Variants in FHOD3 observed in about 807,000 individuals in gnomAD.
The protein encoded by FHOD3 is FH1/FH2 domain-containing protein 3.
In FHOD3, 90 loss-of-function variants were observed where a neutral mutation model predicts 173.0. That is an observed-to-expected ratio of 0.52 (90% CI 0.44 to 0.62). The LOEUF (loss-of-function observed/expected upper bound fraction) is 0.62. FHOD3 is among the 20% of genes least tolerant of loss of function. FHOD3 has a pLI of 0.00. For missense variants in FHOD3, 1,945 were observed against 2,034.7 expected (o/e 0.96, Z 0.85); for synonymous variants, 828 against 823.0 (o/e 1.01, Z -0.10).
intron 2 of FHOD3, among the ~76,000 whole-genome samples, chr18:36,365,430 CT>C (rs1272104753): frequency 6.6e-6 from 1 of 152,150 alleles, no homozygotes; most frequent in African/African-American, 2.4e-5. Context: ...AGGTGAAGTA[CT>C]GTTTAATTTC....
At chr18:36,694,998 C>CAT (rs1568621234) in intron 17 of FHOD3, among the ~76,000 whole-genome samples, 2 of 97,246 alleles carry the variant, frequency 2.1e-5, no homozygotes, top group African/African-American at 3.7e-5. Flanking sequence ...TGTGTGTGTG[C>CAT]GTGTGTGTGT....
intron 1 of FHOD3, among the ~76,000 whole-genome samples, chr18:36,326,498 T>C (rs1309018985): frequency 6.6e-6 from 1 of 152,100 alleles, no homozygotes; most frequent in Admixed American, 6.5e-5. Context: ...CAGGCGCGGT[T>C]GCTCACGCCT....
At chr18:36,479,256 G>T (rs1397111829) in intron 3 of FHOD3, among the ~76,000 whole-genome samples, 2 of 152,346 alleles carry the variant, frequency 1.3e-5, no homozygotes, top group Non-Finnish European at 2.9e-5. Flanking sequence ...AAGTTTATCT[G>T]ATTTGGGTGT....
Position 36,748,010 on chromosome 18 carries a change from C to T in FHOD3, c.4232+875C>T, listed in dbSNP as rs539032670. Among the ~76,000 whole-genome samples, 3 of 152,298 alleles carry T rather than the reference C, an allele frequency of 2.0e-5. No individual in the cohort carries two copies. The South Asian group carries it at 6.2e-4, about 32-fold the overall frequency. On this transcript the variant is annotated intron_variant, in intron 24 of 28. Coordinates refer to ENST00000590592, the MANE Select transcript of FHOD3 (RefSeq NM_001281740.3). Reference sequence around the variant, plus strand: ...ATACTTTTATCTGCACATGAACCCTCTCCCAGCTTGTGTCAGTTTCTGCTT... The same window carrying T: ...ATACTTTTATCTGCACATGAACCCTTTCCCAGCTTGTGTCAGTTTCTGCTT...
chr18:36,568,554 A>G (rs968332127), intron 5 of FHOD3, among the ~76,000 whole-genome samples: 1 of 151,694 alleles, frequency 6.6e-6, no homozygotes, highest in Non-Finnish European at 1.5e-5. Context: ...AGTGACTTTG[A>G]GAACTGAACA....
chr18:36,469,362 A>G (rs867722905), intron 3 of FHOD3, among the ~76,000 whole-genome samples: 4 of 152,288 alleles, frequency 2.6e-5, no homozygotes, highest in African/African-American at 9.6e-5. Context: ...CCAAGTTTGT[A>G]GCTTTTATCG....
intron 3 of FHOD3, among the ~76,000 whole-genome samples, chr18:36,487,977 T>C (rs534264820): frequency 1.6e-3 from 251 of 152,348 alleles, no homozygotes; most frequent in Admixed American, 2.0e-3. Context: ...ACTGAACTTG[T>C]AAAAATGCCA....
In FHOD3 at chr18:36,463,496, A is replaced by G. The variant is rs1482365735; in HGVS notation, c.338-38436A>G. 1.9e-4 allele frequency among the ~76,000 whole-genome samples: 4 copies of G among 21,534 alleles called. No individual in the cohort carries two copies. In the Admixed American group the frequency reaches 1.9e-3, roughly 10 times the overall value. 14.1% of individuals were successfully genotyped at this position (21,534 alleles called of 152,430 possible). A position where few individuals can be genotyped will look rare whatever the true frequency, so the allele number is the denominator to read the frequency against. On this transcript the variant is annotated intron_variant, in intron 3 of 28. Transcript: ENST00000590592. ...ATTTAAAAATTTTTTTTGTTTATTTAAAAAATATATATATTTTTTGAGACA... is the reference window on the plus strand; with the variant it reads ...ATTTAAAAATTTTTTTTGTTTATTTGAAAAATATATATATTTTTTGAGACA...
intron 13 of FHOD3, among the ~76,000 whole-genome samples, chr18:36,655,764 C>T (rs1027004774): frequency 7.0e-6 from 1 of 142,304 alleles, no homozygotes; most frequent in African/African-American, 2.7e-5. Context: ...CACACACACA[C>T]ACACACACAA....
intron 3 of FHOD3, among the ~76,000 whole-genome samples, chr18:36,450,164 T>TA (rs1263589291): frequency 6.6e-6 from 1 of 152,212 alleles, no homozygotes; most frequent in Non-Finnish European, 1.5e-5. Flanking sequence ...AGTGAGAACA[T>TA]ACGATGTTTG....
chr18:36,565,267 G>A (rs909883069), intron 5 of FHOD3, among the ~76,000 whole-genome samples: 2 of 152,112 alleles, frequency 1.3e-5, no homozygotes, highest in African/African-American at 2.4e-5. Context: ...GAATTTTAAT[G>A]GTCTGATTAA....
chr18:36,476,906 A>G (rs1274737146), intron 3 of FHOD3, among the ~76,000 whole-genome samples: 1 of 152,216 alleles, frequency 6.6e-6, no homozygotes, highest in African/African-American at 2.4e-5. Flanking sequence ...GAAGCATAGG[A>G]TGAAGATCTT....
intron 14 of FHOD3, among the ~76,000 whole-genome samples, 194 bp downstream of exon 14, chr18:36,658,382 G>C (rs2036561002): frequency 6.6e-6 from 1 of 152,192 alleles, no homozygotes; most frequent in South Asian, 2.1e-4. Flanking sequence ...TATTAGAGGT[G>C]ATATTTTAAT....
chr18:36,452,985 T>C (rs1339915837), intron 3 of FHOD3, among the ~76,000 whole-genome samples: 1 of 152,148 alleles, frequency 6.6e-6, no homozygotes, highest in Admixed American at 6.5e-5. Flanking sequence ...GTTTACAATG[T>C]CTACAATGTC....
chr18:36,716,192 A>G (rs1421457769), intron 18 of FHOD3, among the ~76,000 whole-genome samples: 1 of 152,078 alleles, frequency 6.6e-6, no homozygotes, highest in African/African-American at 2.4e-5. Context: ...GTCAAGGGAC[A>G]TGACTAGAAG....
At chr18:36,668,588 C>CT (rs969517693) in intron 14 of FHOD3, among the ~76,000 whole-genome samples, 49 of 151,926 alleles carry the variant, frequency 3.2e-4, no homozygotes, top group African/African-American at 1.1e-3. Context: ...TGATTTGAGA[C>CT]TTTTTATCTT....
chr18:36,769,447 G>A (rs1464392992), intron 28 of FHOD3, 21 bp downstream of exon 28: 3 of 1,611,598 alleles, frequency 1.9e-6, no homozygotes, highest in African/African-American at 2.7e-5. Flanking sequence ...TAAAGGAGGG[G>A]CGAGCCTTCA....
At chr18:36,406,081 TTG>T (rs1491056669) in intron 3 of FHOD3, among the ~76,000 whole-genome samples, 11 of 138,022 alleles carry the variant, frequency 8.0e-5, no homozygotes, top group East Asian at 4.2e-4. Context: ...TGCCTGTTTT[TTG>T]TTTTTGTTTT....
In FHOD3 at chr18:36,501,977, T is replaced by G; in HGVS notation, c.383T>G (p.Phe128Cys). Residue 128 changes from phenylalanine to cysteine, a missense_variant, in exon 4 of 29, where the codon TTC (phenylalanine) becomes TGC (cysteine). This residue lies in a region of FHOD3 where 245 missense variants were observed against 267.7 expected (regional missense o/e 0.92). Transcript: ENST00000590592. ...GGACGAGATTTGAGAAGGGCCCTCT[T>G]CTCCCTGAAGCAGATATTTCAGGTA... ...SSGRDLRRAL[F>C]SLKQIFQDDK... The G allele has an allele frequency of 6.2e-7, 1 of 1,606,716 alleles. No individual in the cohort carries two copies. The highest frequency in any genetic ancestry group is 8.5e-7 in the Non-Finnish European group (1 of 1,175,870).
Sources: allele counts gnomAD v4.1 joint callset (sites outside exome capture counted in the v4.1 genomes callset), GRCh38; gene constraint gnomAD v4.1.1; regional missense constraint gnomAD v4.1.1; transcripts MANE v1.5; gene names NCBI Gene and HGNC (gene_info 2026-07-23, HGNC 2026-07-21).